The following PGBD5 variants were observed in gnomAD, a reference collection of about 807,000 sequenced individuals.
PGBD5 encodes piggyBac transposable element-derived protein 5.
PGBD5 carries 14 observed loss-of-function variants against 47.9 expected under a neutral mutation model. The ratio of observed to expected loss-of-function variants is 0.29; its 90% CI spans 0.19 to 0.46. PGBD5 has a LOEUF of 0.46. Ranked by LOEUF, PGBD5 falls within the 20% of genes least tolerant of loss-of-function variation. PGBD5 has a pLI of 1.00. For synonymous variants in PGBD5, 316 were observed against 306.3 expected (o/e 1.03, Z -0.33); for missense variants, 635 against 716.0 (o/e 0.89, Z 1.29).
At chr1:230,351,989 T>C (rs1176282875) in intron 2 of PGBD5, among the ~76,000 whole-genome samples, 7 of 152,200 alleles carry the variant, frequency 4.6e-5, no homozygotes, top group African/African-American at 1.4e-4. Context: ...CGTGCTACAC[T>C]TCCCTCCCTG....
At position 230,322,143 on chromosome 1, in the gene PGBD5, C is replaced by T. The variant is rs752825966; in HGVS notation, c.*1282G>A. The T allele has an allele frequency of 6.6e-6, 1 of 152,168 alleles. No homozygotes were observed. The highest frequency in any genetic ancestry group is 2.4e-5 in the African/African-American group (1 of 41,420). The allele number at this position is 152,168 out of a possible 1,614,324, so 9.4% of individuals were successfully genotyped here. ...TCAGATCTGCCCACCACTCTGGCAC[C>T]GAGGCTTCCCTGGAGACGCATAAAC... On this transcript the variant is annotated 3_prime_UTR_variant, in exon 7 of 7. Coordinates refer to ENST00000391860, the MANE Select transcript of PGBD5 (RefSeq NM_001258311.2). This position sits in a 1 kb window ranked among gnomAD's most constrained non-coding sequence, Gnocchi z 5.9.
chr1:230,382,159 G>C (rs574954858), intron 1 of PGBD5, among the ~76,000 whole-genome samples: 14 of 152,332 alleles, frequency 9.2e-5, no homozygotes, highest in African/African-American at 3.4e-4. Context: ...CAGGAGCCCA[G>C]CAGGCAACCA....
Position 230,316,695 on chromosome 1 carries a change from C to T in PGBD5, c.*6730G>A, listed in dbSNP as rs1249860044. On this transcript the variant is annotated 3_prime_UTR_variant, in exon 7 of 7. Transcript: ENST00000391860. Reference sequence around the variant, plus strand: ...GAGAATTGGGCTGGGAACAAGGAACCCTCACATGGATCGTCAGGCTGGAGG... The same window carrying T: ...GAGAATTGGGCTGGGAACAAGGAACTCTCACATGGATCGTCAGGCTGGAGG... The T allele has an allele frequency of 6.6e-6, 1 of 152,078 alleles. No homozygotes were observed. The highest frequency in any genetic ancestry group is 1.5e-5 in the Non-Finnish European group (1 of 68,032). 9.4% of individuals were successfully genotyped at this position (152,078 alleles called of 1,614,324 possible). A position where few individuals can be genotyped will look rare whatever the true frequency, so the allele number is the denominator to read the frequency against.
chr1:230,418,903 C>T (rs1403582952), intron 1 of PGBD5, among the ~76,000 whole-genome samples: 2 of 152,176 alleles, frequency 1.3e-5, no homozygotes, highest in African/African-American at 2.4e-5. Flanking sequence ...TGCTATGACA[C>T]ACATAAGCTT....
At chr1:230,386,332 A>G (rs935464056) in intron 1 of PGBD5, among the ~76,000 whole-genome samples, 9 of 149,660 alleles carry the variant, frequency 6.0e-5, no homozygotes, top group Admixed American at 2.0e-4. Flanking sequence ...AAAAAAAAAA[A>G]GCAGTATAAT....
intron 1 of PGBD5, among the ~76,000 whole-genome samples, chr1:230,417,477 A>G (rs1657544086): frequency 6.6e-6 from 1 of 152,208 alleles, no homozygotes; most frequent in Admixed American, 6.5e-5. Context: ...ATTTTAAGAT[A>G]TTTTCACTAA....
At chr1:230,396,134 CCCCATACTCATCCCTTTTACT>C in intron 1 of PGBD5, among the ~76,000 whole-genome samples, 1 of 143,324 alleles carries the variant, frequency 7.0e-6, no homozygotes, top group African/African-American at 2.7e-5. Flanking sequence ...CCCCTTTACC[CCCCATACTCATCCCTTTTACT>C]CCCACACTCC....
chr1:230,370,650 G>A (rs149391574), intron 1 of PGBD5, among the ~76,000 whole-genome samples: 2 of 152,320 alleles, frequency 1.3e-5, no homozygotes, highest in African/African-American at 4.8e-5. Flanking sequence ...CTCTAATGAG[G>A]TCACAGAACT....
intron 3 of PGBD5, among the ~76,000 whole-genome samples, chr1:230,350,656 G>T (rs1667546472): frequency 6.6e-6 from 1 of 152,196 alleles, no homozygotes; most frequent in Non-Finnish European, 1.5e-5. Context: ...GACACTTCCA[G>T]CCAACATTGC....
intron 5 of PGBD5, among the ~76,000 whole-genome samples, chr1:230,327,972 T>C (rs1399117806): frequency 6.6e-6 from 1 of 152,222 alleles, no homozygotes; most frequent in Admixed American, 6.5e-5. Context: ...CTGGCCTCTG[T>C]AGGGTTCCAC....
intron 1 of PGBD5, among the ~76,000 whole-genome samples, chr1:230,411,110 A>G (rs1360419680): frequency 6.6e-6 from 1 of 152,092 alleles, no homozygotes; most frequent in Non-Finnish European, 1.5e-5. Flanking sequence ...GACCCTGTCT[A>G]CAAAAAATTA....
chr1:230,404,922 T>A, intron 1 of PGBD5, among the ~76,000 whole-genome samples: 3 of 105,188 alleles, frequency 2.9e-5, no homozygotes, highest in South Asian at 3.9e-4. Flanking sequence ...CGAAACTCCA[T>A]CTCAAAAAAA....
chr1:230,315,958 GTA>G lies in PGBD5; in HGVS notation c.*7465_*7466del, dbSNP rs1228274198. 2.2e-5 allele frequency: 3 copies of G among 138,276 alleles called. No homozygotes were observed. The highest frequency in any genetic ancestry group is 7.2e-5 in the Admixed American group (1 of 13,830). The allele number at this position is 138,276 out of a possible 1,614,324, so 8.6% of individuals were successfully genotyped here. On this transcript the variant is annotated 3_prime_UTR_variant, in exon 7 of 7. Transcript: ENST00000391860. Reference sequence around the variant, plus strand: ...TATATGTATGTGTATACATACATAAGTATATGTGTACACATATATGTATGTGT... The same window carrying G: ...TATATGTATGTGTATACATACATAAGTATGTGTACACATATATGTATGTGT...
intron 1 of PGBD5, among the ~76,000 whole-genome samples, chr1:230,368,342 C>T (rs1667875182): frequency 6.6e-6 from 1 of 152,230 alleles, no homozygotes; most frequent in African/African-American, 2.4e-5. Flanking sequence ...CAGGGCAGGA[C>T]CAAGGAGTCT....
chr1:230,421,852 G>C, intron 1 of PGBD5, among the ~76,000 whole-genome samples: 1 of 152,162 alleles, frequency 6.6e-6, no homozygotes, highest in South Asian at 2.1e-4. Context: ...TAACACCATA[G>C]ACAGGGTTCC....
intron 4 of PGBD5, 108 bp from the exon 5 acceptor site, chr1:230,333,149 G>A (rs1667250488): frequency 8.3e-7 from 1 of 1,200,448 alleles, no homozygotes; most frequent in Admixed American, 2.3e-5. Context: ...CGGTTCTGAG[G>A]CTGATGCTTG....
chr1:230,335,879 ACACACAGATG>A, intron 4 of PGBD5, among the ~76,000 whole-genome samples: 1 of 6,448 alleles, frequency 1.6e-4, no homozygotes, highest in African/African-American at 2.0e-4. Flanking sequence ...GCATACACGG[ACACACAGATG>A]CATACACGGA....
chr1:230,361,948 C>T (rs973062984), intron 1 of PGBD5, among the ~76,000 whole-genome samples: 2 of 152,204 alleles, frequency 1.3e-5, no homozygotes, highest in Non-Finnish European at 2.9e-5. Flanking sequence ...TGGGGAGTTG[C>T]GGGGTATTTC....
intron 1 of PGBD5, among the ~76,000 whole-genome samples, chr1:230,418,433 T>C (rs1216259437): frequency 6.6e-6 from 1 of 152,200 alleles, no homozygotes; most frequent in African/African-American, 2.4e-5. Flanking sequence ...GAATAATGGC[T>C]ACCTCTGGGG....
Sources: gnomAD v4.1 joint callset for allele counts (sites outside exome capture counted in the v4.1 genomes callset) on GRCh38, gnomAD v4.1.1 for gene constraint, Gnocchi (gnomAD v3.1) non-coding constraint, MANE v1.5 for transcripts, NCBI Gene and HGNC (gene_info 2026-07-23, HGNC 2026-07-21) for gene names.